The following NMNAT3 variants were observed in gnomAD, a reference collection of about 807,000 sequenced individuals.
The protein encoded by NMNAT3 is nicotinamide nucleotide adenylyltransferase 3.
In NMNAT3, 21 loss-of-function variants were observed where a neutral mutation model predicts 24.8. The ratio of observed to expected loss-of-function variants is 0.85; its 90% confidence interval spans 0.60 to 1.22. The LOEUF (loss-of-function observed/expected upper bound fraction) is 1.22. Ranked by LOEUF, NMNAT3 falls within the 50% of genes most tolerant of loss-of-function variation. NMNAT3 has a pLI of 0.00. For missense variants in NMNAT3, 387 were observed against 436.6 expected, an observed-to-expected ratio of 0.89 and a Z score of 1.01; for synonymous variants, 136 against 155.2, an observed-to-expected ratio of 0.88 and a Z score of 0.92.
Position 139,583,024 on chromosome 3 carries a change from A to C in NMNAT3, c.294T>G (p.Asn98Lys). The change falls in exon 4 of 7, where the codon AAT becomes AAG. Residue 98 changes from asparagine to lysine, a missense_variant. Coordinates refer to ENST00000643695, the MANE Select transcript of NMNAT3 (RefSeq NM_001320510.2). ...GTGTTGTGCCTTTGCACTTGCTGTCATTCAAATCACAGAACGCTTGTTCTT... is the reference window on the plus strand; with the variant it reads ...GTGTTGTGCCTTTGCACTTGCTGTCCTTCAAATCACAGAACGCTTGTTCTT... The C allele has an allele frequency of 8.1e-6, 13 of 1,607,506 alleles. No individual in the cohort carries two copies. The highest frequency in any genetic ancestry group is 1.1e-5 in the Non-Finnish European group (13 of 1,176,592).
At chr3:139,585,924 T>C (rs1173277021) in intron 3 of NMNAT3, among the ~76,000 whole-genome samples, 1 of 152,180 alleles carries the variant, frequency 6.6e-6, no homozygotes, top group Non-Finnish European at 1.5e-5. Flanking sequence ...GCTTCTCAGC[T>C]TGGAAGGGAT....
intron 1 of NMNAT3, among the ~76,000 whole-genome samples, chr3:139,654,814 G>A (rs2057182844): frequency 6.6e-6 from 1 of 152,222 alleles, no homozygotes; most frequent in South Asian, 2.1e-4. Flanking sequence ...CCTTCATTCA[G>A]CAAACATCAA....
At chr3:139,611,331 A>G (rs1367489131) in intron 3 of NMNAT3, among the ~76,000 whole-genome samples, 1 of 152,168 alleles carries the variant, frequency 6.6e-6, no homozygotes, top group East Asian at 1.9e-4. Context: ...AAGAGACCAA[A>G]CATATATTGC....
intron 6 of NMNAT3, chr3:139,568,025 T>C (rs1255898435): frequency 6.6e-6 from 1 of 152,232 alleles, no homozygotes; most frequent in African/African-American, 2.4e-5. Context: ...CAGAGCCTAT[T>C]ATTGGTCTAT....
intron 3 of NMNAT3, among the ~76,000 whole-genome samples, chr3:139,617,811 G>C (rs1202400686): frequency 1.3e-5 from 2 of 152,072 alleles, no homozygotes; most frequent in East Asian, 3.8e-4. Flanking sequence ...TTACACGTTG[G>C]GAAAACAAGC....
chr3:139,589,485 G>T (rs1428834022), intron 3 of NMNAT3, among the ~76,000 whole-genome samples: 1 of 152,216 alleles, frequency 6.6e-6, no homozygotes, highest in Non-Finnish European at 1.5e-5. Flanking sequence ...GATAGCATTG[G>T]ATTTCTCAAC....
intron 3 of NMNAT3, chr3:139,599,414 T>A (rs1280839544): frequency 1.4e-6 from 1 of 702,428 alleles, no homozygotes. Flanking sequence ...CTTCTTCCCT[T>A]GGTTGTGTTG....
At chr3:139,675,561 C>A (rs1195758418) in intron 1 of NMNAT3, among the ~76,000 whole-genome samples, 1 of 152,132 alleles carries the variant, frequency 6.6e-6, no homozygotes, top group East Asian at 1.9e-4. Context: ...TCATGCAGAA[C>A]ACCCCTCTCT....
chr3:139,612,183 A>C (rs1347939774), intron 3 of NMNAT3, among the ~76,000 whole-genome samples: 2 of 150,108 alleles, frequency 1.3e-5, no homozygotes, highest in Non-Finnish European at 3.0e-5. Flanking sequence ...AAAAAAAAAA[A>C]TGCATAGAGG....
At chr3:139,647,108 T>A (rs2056896815) in intron 1 of NMNAT3, among the ~76,000 whole-genome samples, 1 of 152,230 alleles carries the variant, frequency 6.6e-6, no homozygotes, top group Non-Finnish European at 1.5e-5. Flanking sequence ...CTAGGGCATA[T>A]AAACTTTCAT....
chr3:139,641,406 G>T (rs1342916870), intron 1 of NMNAT3, among the ~76,000 whole-genome samples: 1 of 152,210 alleles, frequency 6.6e-6, no homozygotes, highest in Non-Finnish European at 1.5e-5. Flanking sequence ...ATCTACGAGT[G>T]TGCATGCCAC....
intron 3 of NMNAT3, among the ~76,000 whole-genome samples, chr3:139,608,568 G>T (rs2055048793): frequency 6.6e-6 from 1 of 152,040 alleles, no homozygotes; most frequent in African/African-American, 2.4e-5. Context: ...TTTTTTAACT[G>T]AGATAAATGT....
At chr3:139,632,558 C>T (rs902669609) in intron 2 of NMNAT3, among the ~76,000 whole-genome samples, 1 of 152,216 alleles carries the variant, frequency 6.6e-6, no homozygotes, top group African/African-American at 2.4e-5. Context: ...TCTACAACAG[C>T]CTGGTCTCTG....
chr3:139,565,953 G>T (rs912903980), intron 6 of NMNAT3: 1 of 152,176 alleles, frequency 6.6e-6, no homozygotes, highest in Non-Finnish European at 1.5e-5. Context: ...ATTCCACAAT[G>T]GTTGAACTAG....
chr3:139,568,543 C>A (rs1402609504), intron 6 of NMNAT3: 1 of 152,126 alleles, frequency 6.6e-6, no homozygotes, highest in Non-Finnish European at 1.5e-5. Flanking sequence ...TATGTTGTGT[C>A]TTTGTTCTCA....
chr3:139,586,141 G>T (rs569922134), intron 3 of NMNAT3, among the ~76,000 whole-genome samples: 2 of 152,088 alleles, frequency 1.3e-5, no homozygotes, highest in Non-Finnish European at 2.9e-5. Flanking sequence ...AACCAATACC[G>T]CATGTTCTCA....
chr3:139,610,204 C>T (rs1378186701), intron 3 of NMNAT3, among the ~76,000 whole-genome samples: 3 of 152,112 alleles, frequency 2.0e-5, no homozygotes, highest in African/African-American at 7.2e-5. Context: ...ATAAAGCACA[C>T]TCATCTGCAA....
At chr3:139,575,919 C>T (rs975157769) in intron 5 of NMNAT3, 85 of 1,287,480 alleles carry the variant, frequency 6.6e-5, no homozygotes, top group Non-Finnish European at 7.7e-5. Flanking sequence ...CTTCAGAGCT[C>T]CACAGATGGG....
intron 2 of NMNAT3, among the ~76,000 whole-genome samples, chr3:139,629,124 A>G (rs890115567): frequency 6.6e-6 from 1 of 152,172 alleles, no homozygotes; most frequent in African/African-American, 2.4e-5. Flanking sequence ...TTCTGAGATA[A>G]GGTTACCAAA....
Sources: allele counts gnomAD v4.1 joint callset (sites outside exome capture counted in the v4.1 genomes callset), GRCh38; gene constraint gnomAD v4.1.1; transcripts MANE v1.5; gene names NCBI Gene and HGNC (gene_info 2026-07-23, HGNC 2026-07-21).